KCNIP1: variants seen among roughly 807,000 people sequenced by gnomAD.
The protein encoded by KCNIP1 is potassium voltage-gated channel interacting protein 1.
Under a neutral mutation model 33.0 loss-of-function variants are expected in KCNIP1, and 18 were observed. The observed-to-expected ratio is 0.55, with a 90% confidence interval of 0.38 to 0.81. KCNIP1 has a LOEUF of 0.81. Ranked by LOEUF, KCNIP1 falls within the 30% of genes least tolerant of loss-of-function variation. The pLI, the probability that KCNIP1 is intolerant of heterozygous loss-of-function variation, is 0.00. For synonymous variants in KCNIP1, 93 were observed against 98.3 expected, an observed-to-expected ratio of 0.95 and a Z score of 0.32; for missense variants, 238 against 271.6, an observed-to-expected ratio of 0.88 and a Z score of 0.87.
At chr5:170,566,819 A>G (rs566785887) in intron 1 of KCNIP1, among the ~76,000 whole-genome samples, 80 of 152,352 alleles carry the variant, frequency 5.3e-4, no homozygotes, top group African/African-American at 1.8e-3. Flanking sequence ...GAGAAATTGA[A>G]CTGGTTATTA....
At chr5:170,699,713 A>G (rs557425218) in intron 1 of KCNIP1, among the ~76,000 whole-genome samples, 58 of 152,262 alleles carry the variant, frequency 3.8e-4, no homozygotes, top group Non-Finnish European at 7.8e-4. Flanking sequence ...TCCAGCTGAA[A>G]CCTCAAACAT....
intron 1 of KCNIP1, among the ~76,000 whole-genome samples, chr5:170,707,463 A>G (rs1395179452): frequency 6.6e-6 from 1 of 152,238 alleles, no homozygotes; most frequent in Non-Finnish European, 1.5e-5. Context: ...ATCTTGGAAA[A>G]TATCTGGATG....
chr5:170,612,194 C>T (rs986523001), intron 1 of KCNIP1, among the ~76,000 whole-genome samples: 5 of 152,172 alleles, frequency 3.3e-5, no homozygotes, highest in East Asian at 3.9e-4. Flanking sequence ...CTTGCACGCA[C>T]GAGGGGCCAG....
intron 1 of KCNIP1, among the ~76,000 whole-genome samples, chr5:170,615,525 C>G (rs1759332601): frequency 6.6e-6 from 1 of 152,192 alleles, no homozygotes; most frequent in Admixed American, 6.5e-5. Context: ...TAGGAAAAGG[C>G]TCATCACCGT....
intron 1 of KCNIP1, among the ~76,000 whole-genome samples, chr5:170,664,885 C>G (rs150040021): frequency 6.6e-6 from 1 of 152,148 alleles, no homozygotes; most frequent in South Asian, 2.1e-4. Flanking sequence ...AGCAGCAGCC[C>G]GAGCACTCAG....
chr5:170,386,128 A>C (rs1237634386), intron 1 of KCNIP1, among the ~76,000 whole-genome samples: 1 of 152,004 alleles, frequency 6.6e-6, no homozygotes, highest in Non-Finnish European at 1.5e-5. Context: ...CCGTCAAAAA[A>C]AAAAACAAAA....
Position 170,489,547 on chromosome 5 carries a change from G to A in KCNIP1, c.88+135583G>A, listed in dbSNP as rs1378791230. ...TGGTCCCCTGCCTCCTCCCACTGGT[G>A]TGCACCCACACCTTCAGACAGTTCT... is the stretch of plus-strand genomic sequence containing the variant. On this transcript the variant is annotated intron_variant, in intron 1 of 7. Coordinates refer to the KCNIP1 transcript ENST00000377360. This position sits in a 1 kb window ranked among gnomAD's most constrained non-coding sequence, Gnocchi z 4.3. Among the ~76,000 whole-genome samples, 1 of 152,150 alleles carries A rather than the reference G, an allele frequency of 6.6e-6. No individual in the cohort carries two copies. Among genetic ancestry groups the A allele is most frequent in the Non-Finnish European group, 1.5e-5 (1 of 68,032 alleles).
At chr5:170,448,602 C>T (rs1025556935) in intron 1 of KCNIP1, among the ~76,000 whole-genome samples, 5 of 152,190 alleles carry the variant, frequency 3.3e-5, no homozygotes, top group Non-Finnish European at 5.9e-5. Context: ...CAGAGAAGGC[C>T]CATTTCTTTA....
At chr5:170,487,047 C>G (rs908786406) in intron 1 of KCNIP1, among the ~76,000 whole-genome samples, 1 of 152,122 alleles carries the variant, frequency 6.6e-6, no homozygotes, top group Non-Finnish European at 1.5e-5. Context: ...ACAGACATAT[C>G]TATATATCTA....
chr5:170,694,716 C>T (rs532395829), intron 1 of KCNIP1, among the ~76,000 whole-genome samples: 3 of 152,176 alleles, frequency 2.0e-5, no homozygotes, highest in African/African-American at 7.2e-5. Context: ...TCTTTCCTCT[C>T]GACACCCAGA....
intron 1 of KCNIP1, chr5:170,639,398 C>G (rs528872768): frequency 6.6e-6 from 1 of 152,344 alleles, no homozygotes; most frequent in African/African-American, 2.4e-5. Flanking sequence ...TTTAAACCCT[C>G]AATCTGTTGG....
At chr5:170,577,317 G>T (rs1014707344) in intron 1 of KCNIP1, among the ~76,000 whole-genome samples, 16 of 152,220 alleles carry the variant, frequency 1.1e-4, no homozygotes, top group African/African-American at 3.9e-4. Context: ...AAAGCAAACA[G>T]CACATTTATT....
At chr5:170,407,090 GAC>G (rs1755055926) in intron 1 of KCNIP1, among the ~76,000 whole-genome samples, 1 of 152,224 alleles carries the variant, frequency 6.6e-6, no homozygotes, top group Non-Finnish European at 1.5e-5. Context: ...TTGAGGAACT[GAC>G]ACTGGGAAAC....
chr5:170,568,453 C>T (rs918172575), intron 1 of KCNIP1, among the ~76,000 whole-genome samples: 4 of 151,934 alleles, frequency 2.6e-5, no homozygotes, highest in Admixed American at 1.3e-4. Context: ...GGCTTGCACA[C>T]TTCTGGTGCT....
intron 7 of KCNIP1, among the ~76,000 whole-genome samples, chr5:170,735,466 A>G (rs185194630): frequency 6.6e-6 from 1 of 152,244 alleles, no homozygotes; most frequent in Non-Finnish European, 1.5e-5. Flanking sequence ...GAATAAAAAG[A>G]GAAAAAATAT....
At chr5:170,444,348 T>C (rs1756059489) in intron 1 of KCNIP1, among the ~76,000 whole-genome samples, 1 of 151,972 alleles carries the variant, frequency 6.6e-6, no homozygotes, top group Non-Finnish European at 1.5e-5. Flanking sequence ...TTGGGCCGAG[T>C]CTTTCTCAGG....
intron 1 of KCNIP1, among the ~76,000 whole-genome samples, chr5:170,637,865 C>A (rs778141243): frequency 2.6e-5 from 4 of 152,122 alleles, no homozygotes; most frequent in African/African-American, 9.7e-5. Flanking sequence ...TTCTTCTCCA[C>A]CCTTAGAATG....
intron 1 of KCNIP1, among the ~76,000 whole-genome samples, chr5:170,361,177 A>G (rs1763503180): frequency 6.6e-6 from 1 of 152,146 alleles, no homozygotes; most frequent in African/African-American, 2.4e-5. Context: ...CCCGTTGTCC[A>G]CCTGCACCCC....
intron 1 of KCNIP1, among the ~76,000 whole-genome samples, chr5:170,437,828 G>C (rs1419092264): frequency 2.6e-5 from 4 of 152,160 alleles, no homozygotes; most frequent in African/African-American, 9.7e-5. Flanking sequence ...CCCTACCTCT[G>C]GGCCTTTGCA....
Sources: gnomAD v4.1 joint callset for allele counts (sites outside exome capture counted in the v4.1 genomes callset) on GRCh38, gnomAD v4.1.1 for gene constraint, Gnocchi (gnomAD v3.1) non-coding constraint, MANE v1.5 for transcripts, NCBI Gene and HGNC (gene_info 2026-07-23, HGNC 2026-07-21) for gene names.